RIT2: variants seen among roughly 807,000 people sequenced by gnomAD.
RIT2 encodes Ras like without CAAX 2.
RIT2 carries 24 observed loss-of-function variants against 23.7 expected under a neutral mutation model. The observed-to-expected ratio is 1.01, with a 90% confidence interval of 0.73 to 1.43. The LOEUF is 1.43. Ranked by LOEUF, RIT2 falls within the 40% of genes most tolerant of loss-of-function variation. RIT2 has a pLI of 0.00. For synonymous variants in RIT2, 107 were observed against 91.1 expected (o/e 1.17, Z -0.99); for missense variants, 236 against 266.9 (o/e 0.88, Z 0.81).
At chr18:42,899,401 A>T (rs1236659176) in intron 4 of RIT2, among the ~76,000 whole-genome samples, 1 of 151,758 alleles carries the variant, frequency 6.6e-6, no homozygotes, top group African/African-American at 2.4e-5. Flanking sequence ...GATACCCTAT[A>T]TGGCAAGTGA....
chr18:43,100,954 T>C (rs1052533832), intron 1 of RIT2, among the ~76,000 whole-genome samples: 2 of 152,180 alleles, frequency 1.3e-5, no homozygotes, highest in South Asian at 4.1e-4. Flanking sequence ...TGTGTGTGTA[T>C]ATACACACAC....
At chr18:42,832,072 A>T (rs961030108) in intron 4 of RIT2, among the ~76,000 whole-genome samples, 1 of 152,214 alleles carries the variant, frequency 6.6e-6, no homozygotes, top group Non-Finnish European at 1.5e-5. Flanking sequence ...TTAAAGGCAC[A>T]TTCACAGGAG....
At chr18:42,765,666 G>C (rs1913404384) in intron 4 of RIT2, among the ~76,000 whole-genome samples, 1 of 152,168 alleles carries the variant, frequency 6.6e-6, no homozygotes, top group African/African-American at 2.4e-5. Context: ...TAACGGGAAA[G>C]ACTATTCTAT....
intron 4 of RIT2, among the ~76,000 whole-genome samples, chr18:42,878,181 T>C (rs1907794089): frequency 6.6e-6 from 1 of 150,936 alleles, no homozygotes; most frequent in Non-Finnish European, 1.5e-5. Flanking sequence ...CTCCTGTGAG[T>C]GGAAAATCTG....
chr18:42,779,939 A>T (rs1913767117), intron 4 of RIT2, among the ~76,000 whole-genome samples: 1 of 152,072 alleles, frequency 6.6e-6, no homozygotes, highest in African/African-American at 2.4e-5. Flanking sequence ...TTTGCTAGGT[A>T]ATGAAACTTA....
rs138996719 is a variant in RIT2 at position 42,856,084 on chromosome 18, A to C, written c.426+67488T>G. Among the ~76,000 whole-genome samples, 953 of 152,320 alleles carry C rather than the reference A, an allele frequency of 6.3e-3. 2 individuals are homozygous for C. The highest frequency in any genetic ancestry group is 0.034 in the Middle Eastern group (10 of 294). On this transcript the variant is annotated intron_variant, in intron 4 of 4. Coordinates refer to ENST00000326695, the MANE Select transcript of RIT2 (RefSeq NM_002930.4). ...AAAGTGCCTAGCCATAGAAACTGGA[A>C]TCCTTCTTTCCAAAGGTGGATCATA...
At chr18:42,924,115 C>A (rs144233007) in intron 3 of RIT2, among the ~76,000 whole-genome samples, 1 of 151,810 alleles carries the variant, frequency 6.6e-6, no homozygotes, top group Non-Finnish European at 1.5e-5. Flanking sequence ...TTATTGGAAC[C>A]AATTTTCTTT....
chr18:42,744,958 T>A (rs1912884117), intron 4 of RIT2, among the ~76,000 whole-genome samples: 1 of 152,118 alleles, frequency 6.6e-6, no homozygotes, highest in Non-Finnish European at 1.5e-5. Context: ...CCAGGGACCG[T>A]GTCTGTCTCA....
At chr18:43,045,695 C>G (rs1912230868) in intron 1 of RIT2, among the ~76,000 whole-genome samples, 1 of 152,094 alleles carries the variant, frequency 6.6e-6, no homozygotes, top group Non-Finnish European at 1.5e-5. Context: ...TGGGAGGGCA[C>G]AAATAATATT....
chr18:42,960,049 A>G (rs184916348), intron 3 of RIT2, among the ~76,000 whole-genome samples: 244 of 152,260 alleles, frequency 1.6e-3, no homozygotes, highest in African/African-American at 5.4e-3. Flanking sequence ...AGAAATTTCA[A>G]CTCTATAGAT....
intron 1 of RIT2, among the ~76,000 whole-genome samples, chr18:43,108,456 G>A (rs1037052113): frequency 6.6e-6 from 1 of 151,924 alleles, no homozygotes; most frequent in Non-Finnish European, 1.5e-5. Context: ...GTAAGGCAAG[G>A]GAATGTGACA....
At chr18:42,769,457 T>C (rs1913498312) in intron 4 of RIT2, among the ~76,000 whole-genome samples, 1 of 152,124 alleles carries the variant, frequency 6.6e-6, no homozygotes, top group Non-Finnish European at 1.5e-5. Context: ...GATCCCACAG[T>C]TGAAAACAAG....
intron 1 of RIT2, among the ~76,000 whole-genome samples, chr18:43,034,419 CT>C (rs1210958269): frequency 1.3e-5 from 2 of 152,024 alleles, no homozygotes; most frequent in South Asian, 2.1e-4. Flanking sequence ...TTCTTCATTA[CT>C]TTTTTTCTGT....
intron 3 of RIT2, among the ~76,000 whole-genome samples, chr18:42,933,761 T>C (rs1598720707): frequency 6.6e-6 from 1 of 152,108 alleles, no homozygotes; most frequent in Non-Finnish European, 1.5e-5. Context: ...GGCTCATGCC[T>C]GTAATCTCAG....
intron 2 of RIT2, among the ~76,000 whole-genome samples, chr18:42,993,737 C>T (rs1270145738): frequency 6.6e-6 from 1 of 152,036 alleles, no homozygotes; most frequent in East Asian, 1.9e-4. Flanking sequence ...GCCTCCTTCA[C>T]ATCCTCCCCT....
chr18:43,026,470 C>T (rs1911720591), intron 2 of RIT2, among the ~76,000 whole-genome samples: 1 of 151,564 alleles, frequency 6.6e-6, no homozygotes, highest in Non-Finnish European at 1.5e-5. Flanking sequence ...AGGAGAATCA[C>T]TTGAACCCGG....
intron 4 of RIT2, among the ~76,000 whole-genome samples, chr18:42,844,113 G>A (rs984864417): frequency 2.0e-5 from 3 of 152,192 alleles, no homozygotes; most frequent in African/African-American, 7.2e-5. Flanking sequence ...GAGCAAGTGA[G>A]TGTGGGACTT....
At chr18:42,977,266 T>C (rs189672559) in intron 2 of RIT2, among the ~76,000 whole-genome samples, 1 of 151,480 alleles carries the variant, frequency 6.6e-6, no homozygotes, top group Admixed American at 6.6e-5. Context: ...AACACAGTTT[T>C]ACACATTATC....
At chr18:42,903,529 A>G (rs1908533142) in intron 4 of RIT2, among the ~76,000 whole-genome samples, 1 of 152,116 alleles carries the variant, frequency 6.6e-6, no homozygotes, top group African/African-American at 2.4e-5. Flanking sequence ...AACTTGACAC[A>G]ATTTTTATGC....
Sources: allele counts gnomAD v4.1 joint callset (sites outside exome capture counted in the v4.1 genomes callset), GRCh38; gene constraint gnomAD v4.1.1; transcripts MANE v1.5; gene names NCBI Gene and HGNC (gene_info 2026-07-23, HGNC 2026-07-21).